Variants in PPFIBP2 observed in about 807,000 individuals in gnomAD.
The protein encoded by PPFIBP2 is liprin-beta-2.
PPFIBP2 carries 118 observed loss-of-function variants against 118.3 expected under a neutral mutation model. That is an observed-to-expected ratio of 1.00 (90% CI 0.86 to 1.16). The LOEUF is 1.16. Among genes scored for constraint, PPFIBP2 ranks in the 50% most tolerant of loss-of-function variants. The pLI is 0.00. For synonymous variants in PPFIBP2, 414 were observed against 397.4 expected, an observed-to-expected ratio of 1.04 and a Z score of -0.50; for missense variants, 1,195 against 1,073.1, an observed-to-expected ratio of 1.11 and a Z score of -1.59.
rs543616151 is a variant in PPFIBP2 at position 7,646,323 on chromosome 11, A to G, written c.1647-2064A>G. Among the ~76,000 whole-genome samples, 6 of 152,374 alleles carry G rather than the reference A, an allele frequency of 3.9e-5. No individual in the cohort carries two copies. In the East Asian group the frequency reaches 9.6e-4, roughly 24 times the overall value. ...AACTTGAATGCGTTATAGTTTTACA[A>G]CTCACATATAAAAGACATTTGATAG... On this transcript the variant is annotated intron_variant, in intron 17 of 23. Transcript: ENST00000299492.
At chr11:7,553,135 A>G (rs181778064) in intron 2 of PPFIBP2, among the ~76,000 whole-genome samples, 170 of 152,256 alleles carry the variant, frequency 1.1e-3, no homozygotes, top group Non-Finnish European at 2.0e-3. Flanking sequence ...AGGTTTCTGT[A>G]TACATCTTCT....
At chr11:7,532,557 G>A (rs1217517117) in intron 1 of PPFIBP2, among the ~76,000 whole-genome samples, 4 of 152,186 alleles carry the variant, frequency 2.6e-5, no homozygotes, top group African/African-American at 9.7e-5. Flanking sequence ...GCTCCAGGCC[G>A]AGCTGTTTAC....
At chr11:7,523,537 G>T (rs1327013745) in intron 1 of PPFIBP2, among the ~76,000 whole-genome samples, 4 of 152,068 alleles carry the variant, frequency 2.6e-5, no homozygotes, top group African/African-American at 9.7e-5. Context: ...TTCATATTAA[G>T]GCCAAAATAT....
chr11:7,644,900 G>A (rs1590782047), intron 17 of PPFIBP2, among the ~76,000 whole-genome samples: 2 of 150,884 alleles, frequency 1.3e-5, no homozygotes, highest in Non-Finnish European at 3.0e-5. Context: ...GGTGGCGGGC[G>A]CCTGTAGTCC....
chr11:7,620,912 T>C, intron 6 of PPFIBP2, 23 bp from the exon 7 acceptor site: 1 of 1,540,812 alleles, frequency 6.5e-7, no homozygotes, highest in Non-Finnish European at 9.0e-7. Flanking sequence ...ATCAGAACTT[T>C]GTCTTTCTCC....
In PPFIBP2 at chr11:7,629,626, C is replaced by T. The variant is rs549501767; in HGVS notation, c.964+92C>T. On this transcript the variant is annotated intron_variant, in intron 10 of 23. Transcript: ENST00000299492. Reference sequence around the variant, plus strand: ...GCAGTTCTGCTAGCAGCTGTTTCACCTCTGTTTCAGAGAAGACTCCCTACT... The same window carrying T: ...GCAGTTCTGCTAGCAGCTGTTTCACTTCTGTTTCAGAGAAGACTCCCTACT... The T allele has an allele frequency of 7.6e-5, 97 of 1,278,838 alleles. 1 individual carries two copies. The East Asian group carries it at 2.2e-3, about 29-fold the overall frequency. 79.2% of individuals were successfully genotyped at this position (1,278,838 alleles called of 1,614,324 possible).
At chr11:7,641,688 A>C in intron 16 of PPFIBP2, 68 bp downstream of exon 16, 2 of 1,493,952 alleles carry the variant, frequency 1.3e-6, no homozygotes, top group Non-Finnish European at 1.8e-6. Flanking sequence ...CAAAGAGTCT[A>C]TGTAAGCCCC....
chr11:7,666,018 A>C, the PPFIBP2 span: 6 of 1,051,370 alleles, frequency 5.7e-6, no homozygotes, highest in East Asian at 2.6e-5. Flanking sequence ...GGTTGCTGGG[A>C]TGCTGTCTGG....
chr11:7,606,775 A>G (rs147709816), intron 5 of PPFIBP2, among the ~76,000 whole-genome samples: 2 of 152,128 alleles, frequency 1.3e-5, no homozygotes, highest in Non-Finnish European at 2.9e-5. Context: ...GATTTTGGCA[A>G]TGATGGAAGC....
At chr11:7,562,713 C>A (rs949409614) in intron 2 of PPFIBP2, among the ~76,000 whole-genome samples, 54 of 151,976 alleles carry the variant, frequency 3.6e-4, no homozygotes, top group Middle Eastern at 3.4e-3. Flanking sequence ...CTGGAAGTTT[C>A]TTCTTCCCTT....
intron 3 of PPFIBP2, among the ~76,000 whole-genome samples, chr11:7,568,553 C>T (rs949675635): frequency 2.0e-5 from 3 of 152,202 alleles, no homozygotes; most frequent in African/African-American, 7.2e-5. Flanking sequence ...CCTGTGCATA[C>T]CCTAGCTGCA....
intron 10 of PPFIBP2, among the ~76,000 whole-genome samples, chr11:7,630,445 G>A (rs369396218): frequency 7.9e-5 from 12 of 152,272 alleles, no homozygotes; most frequent in Admixed American, 1.3e-4. Context: ...CTGAGTAGCC[G>A]GGATTACAGG....
chr11:7,519,552 G>A (rs1338820094), intron 1 of PPFIBP2, among the ~76,000 whole-genome samples: 2 of 152,192 alleles, frequency 1.3e-5, no homozygotes, highest in South Asian at 2.1e-4. Flanking sequence ...CGCTTAGGGC[G>A]GATATCTTGC....
At chr11:7,516,269 G>C (rs1849221835) in intron 1 of PPFIBP2, among the ~76,000 whole-genome samples, 1 of 152,158 alleles carries the variant, frequency 6.6e-6, no homozygotes, top group Non-Finnish European at 1.5e-5. Context: ...GCTGATCCAG[G>C]GTCAAAGGGA....
Position 7,615,285 on chromosome 11 carries a change from G to A in PPFIBP2, c.618+4863G>A, listed in dbSNP as rs929127408. Among the ~76,000 whole-genome samples the A allele has an allele frequency of 2.0e-5, 3 of 150,052 alleles. No individual in the cohort carries two copies. In the South Asian group the frequency reaches 6.3e-4, roughly 32 times the overall value. On this transcript the variant is annotated intron_variant, in intron 6 of 23. Transcript: ENST00000299492. ...TGGGAGGTGGAGGTTGCAGTGAGCC[G>A]AGATCGTGCCACTGCACTCCAGCCT... is the stretch of plus-strand genomic sequence containing the variant.
chr11:7,660,932 C>G (rs1213176714), downstream of PPFIBP2, among the ~76,000 whole-genome samples: 1 of 151,956 alleles, frequency 6.6e-6, no homozygotes, highest in East Asian at 1.9e-4. Flanking sequence ...AGTTTATTTG[C>G]GTAGAGGTGT....
intron 3 of PPFIBP2, chr11:7,577,336 T>TGC (rs1367374343): frequency 9.6e-6 from 3 of 311,694 alleles, no homozygotes; most frequent in South Asian, 2.7e-5. Context: ...TGTGTGTGTG[T>TGC]GTGTGTGTGT....
the PPFIBP2 span, chr11:7,666,075 G>A: frequency 7.8e-5 from 52 of 665,172 alleles, no homozygotes; most frequent in Middle Eastern, 7.3e-4. Context: ...TGAGGTGGGC[G>A]GTAAGGGGTG....
At chr11:7,656,868 G>A (rs536392280), downstream of PPFIBP2, 123 of 1,133,170 alleles carry the variant, frequency 1.1e-4, 1 homozygote, top group South Asian at 8.1e-4. Context: ...TGTGGGGAGC[G>A]GGCACACAGC....
Sources: allele counts gnomAD v4.1 joint callset (sites outside exome capture counted in the v4.1 genomes callset), GRCh38; gene constraint gnomAD v4.1.1; transcripts MANE v1.5; gene names NCBI Gene and HGNC (gene_info 2026-07-23, HGNC 2026-07-21).